CDS2: variants seen among roughly 807,000 people sequenced by gnomAD.
CDS2 encodes the protein CDP-diacylglycerol synthase 2, also known as phosphatidate cytidylyltransferase 2.
Under a neutral mutation model 59.0 loss-of-function variants are expected in CDS2, and 47 were observed. The observed-to-expected ratio is 0.80, with a 90% CI of 0.63 to 1.02. CDS2 has a LOEUF of 1.02. Among genes scored for constraint, CDS2 ranks in the 50% least tolerant of loss-of-function variants. The pLI is 0.00. For missense variants in CDS2, 356 were observed against 558.9 expected (o/e 0.64, Z 3.66); for synonymous variants, 207 against 206.4 (o/e 1.00, Z -0.02).
chr20:5,179,423 T>C (rs970695787), intron 5 of CDS2, among the ~76,000 whole-genome samples: 5 of 152,178 alleles, frequency 3.3e-5, no homozygotes, highest in African/African-American at 1.2e-4. Context: ...CGCCCGGCCT[T>C]GTAGGAGCTC....
chr20:5,172,386 A>AC (rs1451937015), intron 1 of CDS2, among the ~76,000 whole-genome samples: 1 of 152,342 alleles, frequency 6.6e-6, no homozygotes, highest in East Asian at 1.9e-4. Flanking sequence ...AATCTGGAGC[A>AC]CATAAACCAC....
At chr20:5,175,134 T>C in intron 2 of CDS2, 49 bp from the exon 3 acceptor site, 1 of 1,401,136 alleles carries the variant, frequency 7.1e-7, no homozygotes, top group Non-Finnish European at 1.0e-6. Context: ...ATTGGTTTTT[T>C]TCTGGGCTCC....
At chr20:5,168,787 A>G (rs1056415582) in intron 1 of CDS2, 10 of 379,868 alleles carry the variant, frequency 2.6e-5, no homozygotes, top group African/African-American at 1.3e-4. Context: ...TCCCCAGGAA[A>G]AGCCAGACCT....
intron 8 of CDS2, 60 bp from the exon 9 acceptor site, chr20:5,185,698 T>C (rs1436694826): frequency 6.9e-7 from 1 of 1,443,664 alleles, no homozygotes; most frequent in Non-Finnish European, 9.7e-7. Context: ...AAGTAATCAT[T>C]GTTCGCAAAG....
chr20:5,144,084 G>C (rs1005604212), intron 1 of CDS2, among the ~76,000 whole-genome samples: 2 of 152,036 alleles, frequency 1.3e-5, no homozygotes, highest in African/African-American at 4.8e-5. Flanking sequence ...GTTCTTTTGG[G>C]TATATACCCA....
intron 7 of CDS2, 107 bp downstream of exon 7, chr20:5,183,250 C>A: frequency 1.1e-6 from 1 of 879,080 alleles, no homozygotes; most frequent in Non-Finnish European, 1.9e-6. Flanking sequence ...TCAGAATCCT[C>A]TGCAGGGTTC....
chr20:5,131,570 A>C (rs2122942544), intron 1 of CDS2, among the ~76,000 whole-genome samples: 1 of 152,344 alleles, frequency 6.6e-6, no homozygotes, highest in East Asian at 1.9e-4. Flanking sequence ...TTAATTGCTG[A>C]AGTGCTATTT....
intron 1 of CDS2, among the ~76,000 whole-genome samples, chr20:5,144,443 C>T (rs959181156): frequency 2.0e-5 from 3 of 152,088 alleles, no homozygotes; most frequent in African/African-American, 4.8e-5. Context: ...GTAATGAGGT[C>T]GCCTTAGTGT....
chr20:5,171,960 C>T (rs140812909), intron 1 of CDS2, among the ~76,000 whole-genome samples: 116 of 152,232 alleles, frequency 7.6e-4, no homozygotes, highest in African/African-American at 2.6e-3. Context: ...CTGCACTAGG[C>T]GAGGCCCTCT....
chr20:5,189,891 A>G, intron 12 of CDS2, 53 bp downstream of exon 12: 2 of 1,469,796 alleles, frequency 1.4e-6, no homozygotes, highest in Non-Finnish European at 1.9e-6. Flanking sequence ...GTACGGTGCA[A>G]TTCTAGAATT....
chr20:5,161,669 G>A (rs996262115), intron 1 of CDS2, among the ~76,000 whole-genome samples: 3 of 152,170 alleles, frequency 2.0e-5, no homozygotes, highest in East Asian at 1.9e-4. Flanking sequence ...TTGATTTACC[G>A]TAATTTACCT....
intron 1 of CDS2, 94 bp downstream of exon 1, chr20:5,127,243 C>G (rs945713615): frequency 1.8e-6 from 2 of 1,141,622 alleles, no homozygotes; most frequent in African/African-American, 3.3e-5. Flanking sequence ...TGTTCTCTGA[C>G]CCTTTGTCGC....
intron 1 of CDS2, among the ~76,000 whole-genome samples, chr20:5,170,322 G>C (rs1039091520): frequency 1.3e-5 from 2 of 152,200 alleles, no homozygotes; most frequent in African/African-American, 4.8e-5. Flanking sequence ...TGGGTTCCAG[G>C]TCCCTGCCTG....
intron 2 of CDS2, among the ~76,000 whole-genome samples, chr20:5,174,176 C>T (rs1030815044): frequency 6.6e-6 from 1 of 152,188 alleles, no homozygotes; most frequent in Non-Finnish European, 1.5e-5. Flanking sequence ...GAACCTGGTT[C>T]TTTTAACACA....
intron 1 of CDS2, among the ~76,000 whole-genome samples, chr20:5,130,854 G>GGCC: frequency 6.6e-6 from 1 of 151,918 alleles, no homozygotes; most frequent in African/African-American, 2.4e-5. Flanking sequence ...CACTTTGGGA[G>GGCC]GACGAGGCGG....
At chr20:5,146,700 T>C (rs576546522) in intron 1 of CDS2, among the ~76,000 whole-genome samples, 47 of 152,350 alleles carry the variant, frequency 3.1e-4, no homozygotes, top group Admixed American at 1.6e-3. Flanking sequence ...TTTAAACCAT[T>C]ACAACAAAAT....
At chr20:5,169,106 CTT>C (rs771798885) in intron 1 of CDS2, among the ~76,000 whole-genome samples, 4 of 152,232 alleles carry the variant, frequency 2.6e-5, no homozygotes, top group Admixed American at 6.5e-5. Flanking sequence ...AAGCAGCACT[CTT>C]GTTTCCTGTT....
At chr20:5,147,392 T>C (rs2090752076) in intron 1 of CDS2, among the ~76,000 whole-genome samples, 1 of 151,932 alleles carries the variant, frequency 6.6e-6, no homozygotes, top group Non-Finnish European at 1.5e-5. Flanking sequence ...GGTTTGGGGA[T>C]AGGAAAGAGG....
rs2091139644 is a variant in CDS2, at chr20:5,194,203, C to G, written c.*3969C>G. On this transcript the variant is annotated 3_prime_UTR_variant, in exon 13 of 13. Transcript: ENST00000460006. Reference sequence around the variant, plus strand: ...CAAACTTCCTTTTCCCTTGATCACCCTGCACGCAGCTGCCCAGCTTCCAGT... The same window carrying G: ...CAAACTTCCTTTTCCCTTGATCACCGTGCACGCAGCTGCCCAGCTTCCAGT... The G allele has an allele frequency of 6.6e-6, 1 of 152,364 alleles. No homozygotes were observed. The allele number at this position is 152,364 out of a possible 1,614,324, so 9.4% of individuals were successfully genotyped here.
Sources: gnomAD v4.1 joint callset for allele counts (sites outside exome capture counted in the v4.1 genomes callset) on GRCh38, gnomAD v4.1.1 for gene constraint, MANE v1.5 for transcripts, NCBI Gene and HGNC (gene_info 2026-07-23, HGNC 2026-07-21) for gene names.